SMG6: variants seen among roughly 807,000 people sequenced by gnomAD.
SMG6 encodes the protein SMG6 nonsense mediated mRNA decay factor.
In SMG6, 66 loss-of-function variants were observed where a neutral mutation model predicts 142.2. The ratio of observed to expected loss-of-function variants is 0.46; its 90% confidence interval spans 0.38 to 0.57. The LOEUF (loss-of-function observed/expected upper bound fraction) is 0.57, where lower values mean the gene tolerates loss of function less well. Among genes scored for constraint, SMG6 ranks in the 20% least tolerant of loss-of-function variants. SMG6 has a pLI of 0.00. For synonymous variants in SMG6, 779 were observed against 702.4 expected, an observed-to-expected ratio of 1.11 and a Z score of -1.72; for missense variants, 1,793 against 1,832.0, an observed-to-expected ratio of 0.98 and a Z score of 0.39.
chr17:2,123,044 C>T (rs1436912816), intron 13 of SMG6, among the ~76,000 whole-genome samples: 1 of 152,254 alleles, frequency 6.6e-6, no homozygotes, highest in East Asian at 1.9e-4. Context: ...AGGGTGGGGA[C>T]AGAGAAGTCA....
In SMG6 at chr17:2,188,492, A is replaced by G. The variant is rs2072060665; in HGVS notation, c.2893T>C (p.Ser965Pro). 2.5e-6 allele frequency: 4 copies of G among 1,614,114 alleles called. No individual in the cohort carries two copies. The highest frequency in any genetic ancestry group is 2.5e-6 in the Non-Finnish European group (3 of 1,179,986). Residue 965 changes from serine to proline, a missense_variant, in exon 11 of 19, where the codon TCT becomes CCT. Transcript: ENST00000263073. ...GCTGCGGCTTGTTCCTGGATCACAG[A>G]GCGGCACTCCTCCGAGAAGCAGTCT... Reference protein sequence around the residue: ...LKDCFSEECRSVIQEQAAALG... With the variant: ...LKDCFSEECRPVIQEQAAALG...
chr17:2,080,617 C>A (rs529951627), intron 15 of SMG6, among the ~76,000 whole-genome samples: 7 of 152,018 alleles, frequency 4.6e-5, no homozygotes, highest in East Asian at 3.9e-4. Context: ...GAGATAGGTG[C>A]TATTAGCACT....
intron 10 of SMG6, among the ~76,000 whole-genome samples, chr17:2,221,386 C>G (rs1056363274): frequency 6.6e-6 from 1 of 152,200 alleles, no homozygotes; most frequent in African/African-American, 2.4e-5. Flanking sequence ...GGAAGACGTG[C>G]CTCCTTCCTC....
chr17:2,066,258 G>T (rs529303123), intron 16 of SMG6, among the ~76,000 whole-genome samples: 1 of 152,044 alleles, frequency 6.6e-6, no homozygotes, highest in Non-Finnish European at 1.5e-5. Flanking sequence ...GTGTGTGTGC[G>T]CGCACGTGTA....
In SMG6 at chr17:2,068,869, G is replaced by C. The variant is rs772491745; in HGVS notation, c.3744C>G (p.Leu1248=). Reference sequence around the variant, plus strand: ...CAATGAAGCCGTTGGTGTCTGGTACGAGGAACAAAGGTCTGATTTCGAGCT... The same window carrying C: ...CAATGAAGCCGTTGGTGTCTGGTACCAGGAACAAAGGTCTGATTTCGAGCT... ...QMELEIRPLF[L]VPDTNGFIDH... The change falls in exon 16 of 19, where the codon CTC becomes CTG. Residue 1248 remains leucine (L), a synonymous_variant. Coordinates refer to ENST00000263073, the MANE Select transcript of SMG6 (RefSeq NM_017575.5). The surrounding 1 kb of genome is among the most constrained non-coding windows in gnomAD (Gnocchi z 6.7). 6.2e-7 allele frequency: 1 copy of C among 1,614,238 alleles called. No homozygotes were observed. Among genetic ancestry groups the C allele is most frequent in the East Asian group, 2.2e-5 (1 of 44,888 alleles).
At chr17:2,222,965 G>A (rs2073219795) in intron 10 of SMG6, among the ~76,000 whole-genome samples, 1 of 152,174 alleles carries the variant, frequency 6.6e-6, no homozygotes, top group South Asian at 2.1e-4. Context: ...TCTCTCAGGG[G>A]AGAGGTGAAA....
At chr17:2,195,145 G>C (rs1181799767) in intron 10 of SMG6, among the ~76,000 whole-genome samples, 1 of 152,190 alleles carries the variant, frequency 6.6e-6, no homozygotes, top group Non-Finnish European at 1.5e-5. Flanking sequence ...CAGGCTGTGG[G>C]GTGACAGGCT....
chr17:2,086,922 A>G (rs1410886517), intron 13 of SMG6, among the ~76,000 whole-genome samples: 2 of 152,210 alleles, frequency 1.3e-5, no homozygotes, highest in Non-Finnish European at 2.9e-5. Context: ...CACATGGGAA[A>G]CACACGTCCG....
intron 6 of SMG6, among the ~76,000 whole-genome samples, chr17:2,284,756 G>A (rs1184042507): frequency 6.6e-6 from 1 of 152,190 alleles, no homozygotes; most frequent in Admixed American, 6.6e-5. Flanking sequence ...TTAACCTAGA[G>A]AGGTTTCCTT....
rs869173398 is a variant in SMG6 at position 2,258,038 on chromosome 17, TAC to T, written c.2662-13321_2662-13320del. On this transcript the variant is annotated intron_variant, in intron 8 of 18. Transcript: ENST00000263073. ...AAAAAAAAAAAAAAAAAAAAAAATA[TAC>T]ACACACACACACACACACACACACA... Among the ~76,000 whole-genome samples the T allele has an allele frequency of 4.7e-3, 420 of 89,254 alleles. 14 individuals are homozygous for T. Among genetic ancestry groups the T allele is most frequent in the East Asian group, 0.013 (45 of 3,374 alleles). The allele number at this position is 89,254 out of a possible 152,430, so 58.6% of individuals were successfully genotyped here. A position where few individuals can be genotyped will look rare whatever the true frequency, so the allele number is the denominator to read the frequency against.
chr17:2,091,887 T>G (rs1211848331), intron 13 of SMG6, among the ~76,000 whole-genome samples: 1 of 150,948 alleles, frequency 6.6e-6, no homozygotes, highest in African/African-American at 2.4e-5. Flanking sequence ...TTTCACCGTG[T>G]TAGCCAGGAC....
intron 1 of SMG6, among the ~76,000 whole-genome samples, chr17:2,301,214 C>G (rs1372325948): frequency 2.0e-5 from 3 of 152,180 alleles, no homozygotes; most frequent in African/African-American, 7.2e-5. Context: ...AAAAATGCAA[C>G]TTTAGTCTTT....
intron 13 of SMG6, chr17:2,088,665 G>C: frequency 8.1e-6 from 8 of 985,466 alleles, no homozygotes; most frequent in Non-Finnish European, 9.6e-6. Flanking sequence ...CCAAGCAGCA[G>C]GGAGGATGGT....
intron 12 of SMG6, among the ~76,000 whole-genome samples, chr17:2,178,608 C>T (rs1220103756): frequency 6.6e-6 from 1 of 152,210 alleles, no homozygotes; most frequent in Non-Finnish European, 1.5e-5. Context: ...TCACAGTAAC[C>T]TCGTTCCAGG....
chr17:2,126,948 G>A (rs1208234311), intron 13 of SMG6, among the ~76,000 whole-genome samples: 1 of 151,284 alleles, frequency 6.6e-6, no homozygotes, highest in African/African-American at 2.4e-5. Context: ...GCGCACACAT[G>A]CACACACACA....
At chr17:2,228,480 G>C (rs1440629918) in intron 10 of SMG6, among the ~76,000 whole-genome samples, 1 of 152,014 alleles carries the variant, frequency 6.6e-6, no homozygotes, top group Non-Finnish European at 1.5e-5. Context: ...ACCCGCCTCA[G>C]CCTCCCAAAG....
chr17:2,149,274 C>T (rs1054868091), intron 13 of SMG6, among the ~76,000 whole-genome samples: 21 of 137,386 alleles, frequency 1.5e-4, no homozygotes, highest in African/African-American at 5.9e-4. Context: ...CACTTGAACC[C>T]AGGAGGCAGA....
intron 13 of SMG6, among the ~76,000 whole-genome samples, chr17:2,157,774 T>C (rs1185134836): frequency 6.6e-6 from 1 of 152,170 alleles, no homozygotes; most frequent in African/African-American, 2.4e-5. Context: ...CTCAGAACAC[T>C]CATTACAAAG....
intron 15 of SMG6, among the ~76,000 whole-genome samples, chr17:2,080,582 C>A (rs1035035075): frequency 6.6e-6 from 1 of 152,066 alleles, no homozygotes; most frequent in African/African-American, 2.4e-5. Context: ...TACACTGTCT[C>A]GTGTAGGCCT....
Sources: gnomAD v4.1 joint callset for allele counts (sites outside exome capture counted in the v4.1 genomes callset) on GRCh38, gnomAD v4.1.1 for gene constraint, Gnocchi (gnomAD v3.1) non-coding constraint, MANE v1.5 for transcripts, NCBI Gene and HGNC (gene_info 2026-07-23, HGNC 2026-07-21) for gene names.